KIRREL3: variants seen among roughly 807,000 people sequenced by gnomAD.
KIRREL3 encodes the protein kin of IRRE-like protein 3.
KIRREL3 carries 36 observed loss-of-function variants against 89.7 expected under a neutral mutation model. That is an observed-to-expected ratio of 0.40 (90% CI 0.31 to 0.53). The LOEUF (loss-of-function observed/expected upper bound fraction) is 0.53, where lower values mean the gene tolerates loss of function less well. Ranked by LOEUF, KIRREL3 falls within the 20% of genes least tolerant of loss-of-function variation. The pLI, the probability that KIRREL3 is intolerant of heterozygous loss-of-function variation, is 0.49. For missense variants in KIRREL3, 864 were observed against 1,056.6 expected (o/e 0.82, Z 2.53); for synonymous variants, 445 against 441.4 (o/e 1.01, Z -0.10).
At position 126,904,091 on chromosome 11, in the gene KIRREL3, C is replaced by G. The variant is rs1374673807; in HGVS notation, c.55+96364G>C. Among the ~76,000 whole-genome samples, 2 of 152,160 alleles carry G rather than the reference C, an allele frequency of 1.3e-5. No individual in the cohort carries two copies. Among genetic ancestry groups the G allele is most frequent in the Non-Finnish European group, 2.9e-5 (2 of 68,028 alleles). ...GATTACAAGACCCTGAAGGTCCTTTCCAACTCTAAATTGCTATGATTTTAT... is the reference window on the plus strand; with the variant it reads ...GATTACAAGACCCTGAAGGTCCTTTGCAACTCTAAATTGCTATGATTTTAT... On this transcript the variant is annotated intron_variant, in intron 1 of 16. Transcript: ENST00000525144. This position sits in a 1 kb window ranked among gnomAD's most constrained non-coding sequence, Gnocchi z 4.4.
chr11:126,521,244 A>T lies in KIRREL3; in HGVS notation c.433+71T>A. 4 of 1,430,616 alleles carry T rather than the reference A, an allele frequency of 2.8e-6. No homozygotes were observed. Among genetic ancestry groups the T allele is most frequent in the Non-Finnish European group, 3.7e-6 (4 of 1,084,530 alleles). The allele number at this position is 1,430,616 out of a possible 1,614,324, so 88.6% of individuals were successfully genotyped here. The stretch of plus-strand genomic sequence containing the variant: ...GGAGTCTCCCCATGTCTGACCAAAA[A>T]AATACCCTCTTGGAGCTGAGCCCTT... On this transcript the variant is annotated intron_variant, in intron 4 of 16. Coordinates refer to ENST00000525144, the MANE Select transcript of KIRREL3 (RefSeq NM_032531.4). This position sits in a 1 kb window ranked among gnomAD's most constrained non-coding sequence, Gnocchi z 4.1.
intron 4 of KIRREL3, among the ~76,000 whole-genome samples, chr11:126,510,815 A>G: frequency 6.6e-6 from 1 of 152,260 alleles, no homozygotes; most frequent in South Asian, 2.1e-4. Flanking sequence ...CTGACCAATC[A>G]CAGGCTGCCC....
rs1955031761 is a variant in KIRREL3 at position 126,428,887 on chromosome 11, T to C, written c.1806+292A>G. Among the ~76,000 whole-genome samples the C allele has an allele frequency of 6.6e-6, 1 of 152,190 alleles. No homozygotes were observed. Among genetic ancestry groups the C allele is most frequent in the Non-Finnish European group, 1.5e-5 (1 of 68,032 alleles). On this transcript the variant is annotated intron_variant, in intron 15 of 16. Transcript: ENST00000525144. The surrounding 1 kb of genome is among the most constrained non-coding windows in gnomAD (Gnocchi z 6.4). ...GTCTCGAACTCCTAATCTCAAGTGA[T>C]CCGCCCAACTCGGTCTCCCAAAGTG...
chr11:126,424,570 T>A lies in KIRREL3; in HGVS notation c.*10A>T, dbSNP rs746292447. 7.4e-6 allele frequency: 12 copies of A among 1,612,116 alleles called. No individual in the cohort carries two copies. The highest frequency in any genetic ancestry group is 1.0e-5 in the Non-Finnish European group (12 of 1,179,016). On this transcript the variant is annotated 3_prime_UTR_variant, in exon 17 of 17. Coordinates refer to ENST00000525144, the MANE Select transcript of KIRREL3 (RefSeq NM_032531.4). ...TTCCCTGGCCCGTCCCCACCCGCGG[T>A]GTGTGATCCTTAGACGTGAGTCTGC...
intron 1 of KIRREL3, among the ~76,000 whole-genome samples, chr11:126,657,368 A>G (rs546252): frequency 0.83 from 126,380 of 152,206 alleles, 53,051 homozygotes; most frequent in East Asian, 1. Context: ...GTTCCAAAAA[A>G]GTAGAGCCCT....
At chr11:126,479,263 T>C (rs904224534) in intron 4 of KIRREL3, among the ~76,000 whole-genome samples, 2 of 152,116 alleles carry the variant, frequency 1.3e-5, no homozygotes, top group African/African-American at 4.8e-5. Flanking sequence ...CATCCCCAGG[T>C]TCCCCGCTGC....
chr11:126,824,935 C>T (rs1196305497), intron 1 of KIRREL3, among the ~76,000 whole-genome samples: 2 of 152,156 alleles, frequency 1.3e-5, no homozygotes, highest in South Asian at 2.1e-4. Context: ...AATTTCCTCT[C>T]CTAGTGGACA....
Position 126,931,224 on chromosome 11 carries a change from TG to T in KIRREL3, c.55+69230del, listed in dbSNP as rs150554794. Among the ~76,000 whole-genome samples the T allele has an allele frequency of 0.019, 2,943 of 152,340 alleles. 105 individuals are homozygous for T. The highest frequency in any genetic ancestry group is 0.13 in the East Asian group (698 of 5,172). ...CTGTTTCTTGGACACTGTTGTTTCT[TG>T]GACACTGTTGTTATCTCCAGAACCT... On this transcript the variant is annotated intron_variant, in intron 1 of 16. Coordinates refer to ENST00000525144, the MANE Select transcript of KIRREL3 (RefSeq NM_032531.4). This position sits in a 1 kb window ranked among gnomAD's most constrained non-coding sequence, Gnocchi z 5.1.
intron 1 of KIRREL3, among the ~76,000 whole-genome samples, chr11:126,818,625 G>GT (rs1491481885): frequency 1.6e-4 from 4 of 25,336 alleles, no homozygotes; most frequent in Non-Finnish European, 3.2e-4. Context: ...AGTAGTAGTA[G>GT]TGTGTGTGTG....
In KIRREL3 at chr11:126,639,033, GC is replaced by G. The variant is rs2134919418; in HGVS notation, c.56-76122del. ...TTAAGATTCACAAGTAATTTGAAAG[GC>G]ATCTCTATTTATCTCGCTGGTGTTT... On this transcript the variant is annotated intron_variant, in intron 1 of 16. Coordinates refer to ENST00000525144, the MANE Select transcript of KIRREL3 (RefSeq NM_032531.4). This position sits in a 1 kb window ranked among gnomAD's most constrained non-coding sequence, Gnocchi z 4.3. Among the ~76,000 whole-genome samples the G allele has an allele frequency of 6.6e-6, 1 of 152,224 alleles. No individual in the cohort carries two copies. The highest frequency in any genetic ancestry group is 2.1e-4 in the South Asian group (1 of 4,820).
intron 1 of KIRREL3, among the ~76,000 whole-genome samples, chr11:126,974,081 G>A (rs1298725762): frequency 5.3e-5 from 8 of 152,118 alleles, no homozygotes; most frequent in Admixed American, 2.0e-4. Context: ...TTGCACGTTA[G>A]GGGTTGAATT....
chr11:126,446,944 C>T lies in KIRREL3; in HGVS notation c.998-58G>A, dbSNP rs952101761. ...GTGGGTGGGGAGCTCTGGGATCCTC[C>T]TTGCTGCTGCCTCCTTTTCCCCCTA... On this transcript the variant is annotated intron_variant, in intron 8 of 16. Coordinates refer to ENST00000525144, the MANE Select transcript of KIRREL3 (RefSeq NM_032531.4). 26 of 1,568,668 alleles carry T rather than the reference C, an allele frequency of 1.7e-5. No homozygotes were observed. In the African/African-American group the frequency reaches 2.8e-4, roughly 17 times the overall value.
In KIRREL3 at chr11:126,495,423, G is replaced by A. The variant is rs572456680; in HGVS notation, c.434-21957C>T. ...TCCCTGCCTGACCCCAGGTGGTTCTGCTTTCTCCCCAAAGCCTCCCTCGAC... is the reference window on the plus strand; with the variant it reads ...TCCCTGCCTGACCCCAGGTGGTTCTACTTTCTCCCCAAAGCCTCCCTCGAC... On this transcript the variant is annotated intron_variant, in intron 4 of 16. Transcript: ENST00000525144. This position sits in a 1 kb window ranked among gnomAD's most constrained non-coding sequence, Gnocchi z 6.5. 3.3e-5 allele frequency among the ~76,000 whole-genome samples: 5 copies of A among 152,090 alleles called. No individual in the cohort carries two copies. Among genetic ancestry groups the A allele is most frequent in the Admixed American group, 1.3e-4 (2 of 15,272 alleles).
At position 126,708,888 on chromosome 11, in the gene KIRREL3, C is replaced by T. The variant is rs925545901; in HGVS notation, c.56-145976G>A. On this transcript the variant is annotated intron_variant, in intron 1 of 16. Transcript: ENST00000525144. This position sits in a 1 kb window ranked among gnomAD's most constrained non-coding sequence, Gnocchi z 5.7. ...CTTTTTCATTCTCCTCTCCTCATAT[C>T]CAAACTGTCATTAAACTCAGTGTTT... Among the ~76,000 whole-genome samples the T allele has an allele frequency of 6.6e-6, 1 of 152,206 alleles. No homozygotes were observed. Among genetic ancestry groups the T allele is most frequent in the Non-Finnish European group, 1.5e-5 (1 of 68,030 alleles).
Position 126,704,554 on chromosome 11 carries a change from C to T in KIRREL3, c.56-141642G>A, listed in dbSNP as rs1403136601. Reference sequence around the variant, plus strand: ...TGCAGGCTTTTTCTCTAAAAGGCTGCCCTATTTGTGTTGTGTGTCCCTGTA... The same window carrying T: ...TGCAGGCTTTTTCTCTAAAAGGCTGTCCTATTTGTGTTGTGTGTCCCTGTA... On this transcript the variant is annotated intron_variant, in intron 1 of 16. Transcript: ENST00000525144. This position sits in a 1 kb window ranked among gnomAD's most constrained non-coding sequence, Gnocchi z 4.2. 6.6e-6 allele frequency among the ~76,000 whole-genome samples: 1 copy of T among 152,252 alleles called. No individual in the cohort carries two copies. Among genetic ancestry groups the T allele is most frequent in the East Asian group, 1.9e-4 (1 of 5,180 alleles).
At chr11:126,714,579 G>C (rs149504007) in intron 1 of KIRREL3, among the ~76,000 whole-genome samples, 103 of 152,308 alleles carry the variant, frequency 6.8e-4, no homozygotes, top group African/African-American at 2.4e-3. Flanking sequence ...ACACATGATA[G>C]GTATGGGGCT....
chr11:126,478,937 T>G (rs774454234), intron 4 of KIRREL3, among the ~76,000 whole-genome samples: 2 of 152,164 alleles, frequency 1.3e-5, no homozygotes, highest in Non-Finnish European at 2.9e-5. Flanking sequence ...TGGTGCTCCC[T>G]GTCTCTCCTC....
At chr11:126,858,629 C>T (rs1056416372) in intron 1 of KIRREL3, among the ~76,000 whole-genome samples, 2 of 152,216 alleles carry the variant, frequency 1.3e-5, no homozygotes, top group African/African-American at 4.8e-5. Context: ...CATAAGAGGT[C>T]AGTAGCAGTG....
intron 4 of KIRREL3, among the ~76,000 whole-genome samples, chr11:126,511,047 C>CTG (rs55885385): frequency 0.022 from 3,071 of 142,246 alleles, 37 homozygotes; most frequent in East Asian, 0.029. Flanking sequence ...ATCTGCAGTG[C>CTG]TGTGTGTGTG....
Sources: allele counts gnomAD v4.1 joint callset (sites outside exome capture counted in the v4.1 genomes callset), GRCh38; gene constraint gnomAD v4.1.1; non-coding constraint Gnocchi (gnomAD v3.1); transcripts MANE v1.5; gene names NCBI Gene and HGNC (gene_info 2026-07-23, HGNC 2026-07-21).